Variants in SLC35E3 observed in about 807,000 individuals in gnomAD.
The protein encoded by SLC35E3 is bladder cancer-overexpressed gene 1 protein.
Under a neutral mutation model 30.8 loss-of-function variants are expected in SLC35E3, and 28 were observed. The observed-to-expected ratio is 0.91, with a 90% confidence interval of 0.67 to 1.25. The LOEUF (loss-of-function observed/expected upper bound fraction) is 1.25, where lower values mean the gene tolerates loss of function less well. Among genes scored for constraint, SLC35E3 ranks in the 50% most tolerant of loss-of-function variants. SLC35E3 has a pLI of 0.00. For missense variants in SLC35E3, 365 were observed against 375.4 expected (o/e 0.97, Z 0.23); for synonymous variants, 146 against 149.2 (o/e 0.98, Z 0.16).
rs762305143 is a variant in SLC35E3 at position 68,767,796 on chromosome 12, A to G, written c.*2906A>G. ...ATTCTTTGGTTCTTCTCATTTTACA[A>G]AGATATATATTTTTTGTGCTAAGGA... On this transcript the variant is annotated 3_prime_UTR_variant, in exon 5 of 5. Coordinates refer to ENST00000398004, the MANE Select transcript of SLC35E3 (RefSeq NM_018656.5). The G allele has an allele frequency of 3.9e-5, 6 of 152,274 alleles. No individual in the cohort carries two copies. The highest frequency in any genetic ancestry group is 1.3e-4 in the Admixed American group (2 of 15,274). 9.4% of individuals were successfully genotyped at this position (152,274 alleles called of 1,614,324 possible). A position where few individuals can be genotyped will look rare whatever the true frequency, so the allele number is the denominator to read the frequency against.
intron 2 of SLC35E3, among the ~76,000 whole-genome samples, chr12:68,748,867 T>C (rs1878691881): frequency 6.6e-6 from 1 of 152,236 alleles, no homozygotes; most frequent in African/African-American, 2.4e-5. Context: ...AAGGCATTCT[T>C]GTTTGAAATT....
At chr12:68,762,383 A>G (rs921263093) in intron 4 of SLC35E3, among the ~76,000 whole-genome samples, 3 of 152,150 alleles carry the variant, frequency 2.0e-5, no homozygotes, top group African/African-American at 7.2e-5. Context: ...AGACTGGCAC[A>G]GAACCAGAGG....
At position 68,768,294 on chromosome 12, in the gene SLC35E3, A is replaced by C. The variant is rs1248660179; in HGVS notation, c.*3404A>C. Reference sequence around the variant, plus strand: ...ACGAGAGTGAAACTCTGTCTCAAAAAAAGAAAAAAAAAAAGAAATTTTTAA... The same window carrying C: ...ACGAGAGTGAAACTCTGTCTCAAAACAAGAAAAAAAAAAAGAAATTTTTAA... On this transcript the variant is annotated 3_prime_UTR_variant, in exon 5 of 5. Coordinates refer to ENST00000398004, the MANE Select transcript of SLC35E3 (RefSeq NM_018656.5). 1 of 149,652 alleles carries C rather than the reference A, an allele frequency of 6.7e-6. No individual in the cohort carries two copies. The highest frequency in any genetic ancestry group is 1.5e-5 in the Non-Finnish European group (1 of 67,176). 9.3% of individuals were successfully genotyped at this position (149,652 alleles called of 1,614,324 possible).
At position 68,759,181 on chromosome 12, in the gene SLC35E3, A is replaced by G; in HGVS notation, c.697A>G (p.Ile233Val). 7 of 1,613,576 alleles carry G rather than the reference A, an allele frequency of 4.3e-6. No homozygotes were observed. The highest frequency in any genetic ancestry group is 5.9e-6 in the Non-Finnish European group (7 of 1,179,706). ...ALLMVLLSGV[I>V]AFMVNLSIYW... ...GCTTATGGTGCTGCTATCTGGAGTA[A>G]TAGCTTTCATGGTGAACTTATCAAT... Residue 233 changes from isoleucine to valine, a missense_variant, in exon 4 of 5, where the codon ATA becomes GTA. Ile to Val is a conservative substitution (Grantham distance 29). Transcript: ENST00000398004.
At chr12:68,756,579 T>A (rs974644253) in intron 3 of SLC35E3, among the ~76,000 whole-genome samples, 2 of 151,758 alleles carry the variant, frequency 1.3e-5, no homozygotes, top group Admixed American at 6.6e-5. Flanking sequence ...ACTAGCTAAC[T>A]GAATCTAATG....
rs1202240930 is a variant in SLC35E3, at chr12:68,780,219, A to G, written c.*15329A>G. ...GGTCTTACTTTGTCACCCAGGCTGG[A>G]GTGCAGGGGCACAAACATGGCTCAC... On this transcript the variant is annotated 3_prime_UTR_variant, in exon 5 of 5. Transcript: ENST00000398004. The G allele has an allele frequency of 6.6e-6, 1 of 152,130 alleles. No homozygotes were observed. Among genetic ancestry groups the G allele is most frequent in the Non-Finnish European group, 1.5e-5 (1 of 68,016 alleles). 9.4% of individuals were successfully genotyped at this position (152,130 alleles called of 1,614,324 possible). A position where few individuals can be genotyped will look rare whatever the true frequency, so the allele number is the denominator to read the frequency against.
rs937579205 is a variant in SLC35E3, at chr12:68,768,137, A to G, written c.*3247A>G. 1.3e-5 allele frequency: 2 copies of G among 152,168 alleles called. No homozygotes were observed. The highest frequency in any genetic ancestry group is 4.8e-5 in the African/African-American group (2 of 41,430). The allele number at this position is 152,168 out of a possible 1,614,324, so 9.4% of individuals were successfully genotyped here. On this transcript the variant is annotated 3_prime_UTR_variant, in exon 5 of 5. Coordinates refer to ENST00000398004, the MANE Select transcript of SLC35E3 (RefSeq NM_018656.5). The stretch of plus-strand genomic sequence containing the variant: ...AACACTGTCTCTACTAAAAATACAA[A>G]AATTAGCTGGGCATGGTGGCGGGCG...
At chr12:68,755,350 G>A (rs1302152227) in intron 3 of SLC35E3, among the ~76,000 whole-genome samples, 1 of 152,070 alleles carries the variant, frequency 6.6e-6, no homozygotes, top group African/African-American at 2.4e-5. Context: ...ACAGTCAGTG[G>A]GAATATCTTT....
intron 4 of SLC35E3, among the ~76,000 whole-genome samples, chr12:68,761,764 G>A (rs1355706324): frequency 6.6e-6 from 1 of 152,150 alleles, no homozygotes; most frequent in Non-Finnish European, 1.5e-5. Context: ...AGAAGTGATT[G>A]GATTCTGGAA....
At position 68,758,943 on chromosome 12, in the gene SLC35E3, A is replaced by G. The variant is rs536712066; in HGVS notation, c.673-214A>G. ...TTTTTAGTAGAGATGGGGTTTCACCATGGTCTCGATCTCCTGACCTCGTGA... is the reference window on the plus strand; with the variant it reads ...TTTTTAGTAGAGATGGGGTTTCACCGTGGTCTCGATCTCCTGACCTCGTGA... On this transcript the variant is annotated intron_variant, in intron 3 of 4. Coordinates refer to ENST00000398004, the MANE Select transcript of SLC35E3 (RefSeq NM_018656.5). 8.6e-5 allele frequency among the ~76,000 whole-genome samples: 13 copies of G among 151,724 alleles called. No individual in the cohort carries two copies. The East Asian group carries it at 1.7e-3, about 20-fold the overall frequency.
At chr12:68,752,462 A>T (rs548708217) in intron 3 of SLC35E3, among the ~76,000 whole-genome samples, 1 of 152,240 alleles carries the variant, frequency 6.6e-6, no homozygotes, top group African/African-American at 2.4e-5. Flanking sequence ...TGTTCTGACC[A>T]TGTCAAGCTA....
chr12:68,756,931 C>T (rs1002939685), intron 3 of SLC35E3, among the ~76,000 whole-genome samples: 8 of 152,204 alleles, frequency 5.3e-5, no homozygotes, highest in African/African-American at 9.6e-5. Flanking sequence ...GGGAGAATGG[C>T]GTGAACCCGC....
rs1879346008 is a variant in SLC35E3, at chr12:68,765,082, C to A, written c.*192C>A. 2 of 437,182 alleles carry A rather than the reference C, an allele frequency of 4.6e-6. No homozygotes were observed. Among genetic ancestry groups the A allele is most frequent in the Non-Finnish European group, 8.2e-6 (2 of 242,544 alleles). 27.1% of individuals were successfully genotyped at this position (437,182 alleles called of 1,614,324 possible). A position where few individuals can be genotyped will look rare whatever the true frequency, so the allele number is the denominator to read the frequency against. On this transcript the variant is annotated 3_prime_UTR_variant, in exon 5 of 5. Transcript: ENST00000398004. The stretch of plus-strand genomic sequence containing the variant: ...GACCAGCCTGACCAACATGGAGAAA[C>A]CCTGTCTCAACTAATAATACAAAAT...
At chr12:68,758,144 G>A (rs937052444) in intron 3 of SLC35E3, among the ~76,000 whole-genome samples, 1 of 149,872 alleles carries the variant, frequency 6.7e-6, no homozygotes, top group South Asian at 2.1e-4. Context: ...GATCTCGGCC[G>A]GGTGCAGTGG....
chr12:68,750,624 C>T (rs746994051), intron 2 of SLC35E3, among the ~76,000 whole-genome samples: 51 of 152,192 alleles, frequency 3.4e-4, no homozygotes, highest in Non-Finnish European at 6.3e-4. Flanking sequence ...GCCTGAGAGC[C>T]CCTGCTGTTC....
In SLC35E3 at chr12:68,764,796, G is replaced by A. The variant is rs1178671247; in HGVS notation, c.848G>A (p.Gly283Asp). 3 of 1,613,866 alleles carry A rather than the reference G, an allele frequency of 1.9e-6. No homozygotes were observed. Among genetic ancestry groups the A allele is most frequent in the Non-Finnish European group, 8.5e-7 (1 of 1,179,978 alleles). Residue 283 changes from glycine (G) to aspartate (D), a missense_variant, in exon 5 of 5, where the codon GGC (glycine) becomes GAC (aspartate). By Grantham distance (94) the Gly-to-Asp change is moderately conservative. Transcript: ENST00000398004. The part of the protein sequence containing the change: ...KDPLSINQAL[G>D]ILCTLFGILA... The stretch of plus-strand genomic sequence containing the variant: ...CCACTGTCCATTAATCAGGCCCTTG[G>A]CATTTTATGTACATTATTTGGCATT...
Position 68,776,829 on chromosome 12 carries a change from T to C in SLC35E3, c.*11939T>C, listed in dbSNP as rs145427663. 1.9e-3 allele frequency: 285 copies of C among 152,312 alleles called. No homozygotes were observed. Among genetic ancestry groups the C allele is most frequent in the African/African-American group, 6.4e-3 (264 of 41,562 alleles). 9.4% of individuals were successfully genotyped at this position (152,312 alleles called of 1,614,324 possible). ...TGGCGTCCAAACCTGGAGCTGTTGC[T>C]GGCTTGGAATGAATGAACCAGTTCC... On this transcript the variant is annotated 3_prime_UTR_variant, in exon 5 of 5. Transcript: ENST00000398004.
intron 1 of SLC35E3, among the ~76,000 whole-genome samples, chr12:68,747,271 T>TC (rs1462901190): frequency 2.0e-5 from 3 of 151,886 alleles, no homozygotes; most frequent in South Asian, 2.1e-4. Context: ...TTTTTCTTTT[T>TC]TTTTTTTTTC....
intron 2 of SLC35E3, 28 bp downstream of exon 2, chr12:68,748,068 C>A: frequency 8.1e-7 from 1 of 1,229,932 alleles, no homozygotes; most frequent in South Asian, 1.3e-5. Flanking sequence ...CTTTATGTGC[C>A]TTTTTAGCAG....
Sources: allele counts gnomAD v4.1 joint callset (sites outside exome capture counted in the v4.1 genomes callset), GRCh38; gene constraint gnomAD v4.1.1; transcripts MANE v1.5; gene names NCBI Gene and HGNC (gene_info 2026-07-23, HGNC 2026-07-21).